EML3: variants seen among roughly 807,000 people sequenced by gnomAD.
EML3 encodes the protein EMAP like 3.
Under a neutral mutation model 106.7 loss-of-function variants are expected in EML3, and 53 were observed. The observed-to-expected ratio is 0.50, with a 90% confidence interval of 0.40 to 0.62. The LOEUF is 0.62. Ranked by LOEUF, EML3 falls within the 20% of genes least tolerant of loss-of-function variation. The pLI, the probability that EML3 is intolerant of heterozygous loss-of-function variation, is 0.00. For missense variants in EML3, 994 were observed against 1,209.1 expected (o/e 0.82, Z 2.64); for synonymous variants, 499 against 489.6 (o/e 1.02, Z -0.25).
chr11:62,606,941 C>T lies in EML3; in HGVS notation c.1504+17G>A, dbSNP rs188175191. Reference sequence around the variant, plus strand: ...CTGGAGTACTACACTTCCCAGATGCCCCTCCCAGCCACATACCTTTGGCGC... The same window carrying T: ...CTGGAGTACTACACTTCCCAGATGCTCCTCCCAGCCACATACCTTTGGCGC... On this transcript the variant is annotated intron_variant, in intron 12 of 21. Transcript: ENST00000394773. The T allele has an allele frequency of 1.5e-3, 2,408 of 1,610,878 alleles. 4 individuals carry two copies. Among genetic ancestry groups the T allele is most frequent in the Non-Finnish European group, 1.8e-3 (2,066 of 1,178,452 alleles).
At chr11:62,602,997 C>G (rs1200189253) in intron 20 of EML3, 108 bp from the exon 21 acceptor site, 1 of 1,479,204 alleles carries the variant, frequency 6.8e-7, no homozygotes, top group African/African-American at 1.4e-5. Context: ...CTGCCGCGTT[C>G]CAGGCAAGCC....
In EML3 at chr11:62,603,730, G is replaced by A. The variant is rs201930288; in HGVS notation, c.2256C>T (p.Tyr752=). 62 of 1,613,700 alleles carry A rather than the reference G, an allele frequency of 3.8e-5. No homozygotes were observed. The Admixed American group carries it at 8.5e-4, about 22-fold the overall frequency. ...MSNSGDYEIL[Y]WDVAGGCKQL... ...ATGTCCTGCTCCACTGCCACTCACAGTAAAGAATCTCATAGTCCCCAGAAT... is the reference window on the plus strand; with the variant it reads ...ATGTCCTGCTCCACTGCCACTCACAATAAAGAATCTCATAGTCCCCAGAAT... Residue 752 remains tyrosine, a splice_region_variant and synonymous_variant, in exon 19 of 22, where the codon TAC becomes TAT. Transcript: ENST00000394773.
rs1942892271 is a variant in EML3 at position 62,612,617 on chromosome 11, G to C, written c.-160C>G. ...CTGTCGGGCGCGGGGAAGGGGCCTG[G>C]AGGGGGCGCTGTGGGCCCGGGGCCG... On this transcript the variant is annotated 5_prime_UTR_variant, in exon 1 of 22. Coordinates refer to ENST00000394773, the MANE Select transcript of EML3 (RefSeq NM_153265.3). 1 of 635,454 alleles carries C rather than the reference G, an allele frequency of 1.6e-6. No individual in the cohort carries two copies. Among genetic ancestry groups the C allele is most frequent in the Admixed American group, 4.5e-5 (1 of 22,324 alleles). 39.4% of individuals were successfully genotyped at this position (635,454 alleles called of 1,614,324 possible).
At chr11:62,606,883 T>A in intron 12 of EML3, 75 bp downstream of exon 12, 2 of 1,305,122 alleles carry the variant, frequency 1.5e-6, no homozygotes, top group Non-Finnish European at 2.1e-6. Context: ...AAGATGGGAA[T>A]GGGAAACCCT....
At chr11:62,608,857 G>A (rs1477806095) in intron 7 of EML3, 52 bp from the exon 8 acceptor site, 1 of 1,572,000 alleles carries the variant, frequency 6.4e-7, no homozygotes, top group Admixed American at 1.8e-5. Context: ...GACCATCCAA[G>A]ACACCTTCTC....
At position 62,607,103 on chromosome 11, in the gene EML3, G is replaced by A. The variant is rs1318151578; in HGVS notation, c.1363-4C>T. On this transcript the variant is annotated splice_region_variant and splice_polypyrimidine_tract_variant and intron_variant, in intron 11 of 21. Coordinates refer to ENST00000394773, the MANE Select transcript of EML3 (RefSeq NM_153265.3). ...TAAACTTGGGTTTCTTGTATTTCTA[G>A]TGGGAGGGGAGAGCAGACAGTAGAG... is the stretch of plus-strand genomic sequence containing the variant. The A allele has an allele frequency of 3.1e-6, 5 of 1,613,690 alleles. No individual in the cohort carries two copies. The highest frequency in any genetic ancestry group is 4.2e-6 in the Non-Finnish European group (5 of 1,179,828).
At chr11:62,607,204 T>C (rs1942569893) in intron 11 of EML3, 105 bp from the exon 12 acceptor site, 3 of 1,445,488 alleles carry the variant, frequency 2.1e-6, no homozygotes, top group African/African-American at 1.4e-5. Flanking sequence ...TCCCAGCACT[T>C]TGGGAGGCCA....
In EML3 at chr11:62,602,603, C is replaced by G. The variant is rs1431302550; in HGVS notation, c.2563G>C (p.Val855Leu). The G allele has an allele frequency of 1.9e-6, 3 of 1,562,660 alleles. No homozygotes were observed. The highest frequency in any genetic ancestry group is 2.6e-6 in the Non-Finnish European group (3 of 1,157,002). ...VRFTHDDSHL[V>L]SLGGKDASIF... ...CTGGCGTCCTTGCCGCCCAGCGAGA[C>G]GAGGTGCGAGTCGTCGTGCGTGAAT... The change falls in exon 22 of 22, where the codon GTC becomes CTC. Residue 855 changes from valine to leucine, a missense_variant. Physicochemically the swap from Val to Leu is conservative, Grantham distance 32 (BLOSUM62 1). Transcript: ENST00000394773.
chr11:62,603,065 A>G, intron 20 of EML3, 84 bp downstream of exon 20: 1 of 1,574,408 alleles, frequency 6.4e-7, no homozygotes, highest in Non-Finnish European at 8.7e-7. Context: ...CTCTCACCCA[A>G]CGACACACGC....
rs372926767 is a variant in EML3, at chr11:62,611,106, G to T, written c.433C>A (p.Pro145Thr). The T allele has an allele frequency of 1.9e-6, 3 of 1,596,912 alleles. No individual in the cohort carries two copies. The highest frequency in any genetic ancestry group is 2.5e-6 in the Non-Finnish European group (3 of 1,177,262). Residue 145 changes from proline to threonine, a missense_variant, in exon 3 of 22, where the codon CCC becomes ACC. Transcript: ENST00000394773. ...GPPGILRPLQPPQRADTPRRN... is the reference protein window; with the variant it reads ...GPPGILRPLQTPQRADTPRRN... ...ACCTACGTGTCAGCACGCTGTGGGG[G>T]CTGCAAGGGCCTGAGGATCCCCGGG...
chr11:62,610,125 T>A (rs1335877964), intron 4 of EML3, among the ~76,000 whole-genome samples: 1 of 152,220 alleles, frequency 6.6e-6, no homozygotes, highest in East Asian at 1.9e-4. Flanking sequence ...GCCCCGCTAT[T>A]GACCTTTTCA....
At chr11:62,603,362 G>A (rs1466543952) in intron 19 of EML3, 115 bp from the exon 20 acceptor site, 3 of 949,388 alleles carry the variant, frequency 3.2e-6, no homozygotes, top group African/African-American at 1.6e-5. Context: ...ATGTGATCTG[G>A]TCACCGTAGT....
chr11:62,608,500 C>G (rs775096840), intron 9 of EML3, 42 bp downstream of exon 9: 38 of 1,583,470 alleles, frequency 2.4e-5, no homozygotes, highest in Non-Finnish European at 3.0e-5. Context: ...AGTGGGGTTC[C>G]TAGGCAAGAA....
intron 11 of EML3, 136 bp downstream of exon 11, chr11:62,607,530 T>G (rs1280275793): frequency 9.6e-7 from 1 of 1,036,776 alleles, no homozygotes; most frequent in Non-Finnish European, 1.4e-6. Context: ...AGAGCAAGAC[T>G]CCGTCTCAAA....
chr11:62,608,189 T>C lies in EML3; in HGVS notation c.1206+12A>G. On this transcript the variant is annotated intron_variant, in intron 10 of 21. Transcript: ENST00000394773. ...AACCTCAGAGCCCCTCCAAGCCACA[T>C]GGACTCCTCACCTTGATCTCAGCCA... 2 of 1,608,470 alleles carry C rather than the reference T, an allele frequency of 1.2e-6. No homozygotes were observed. Among genetic ancestry groups the C allele is most frequent in the African/African-American group, 1.3e-5 (1 of 74,902 alleles).
chr11:62,602,538 C>G lies in EML3; in HGVS notation c.2628G>C (p.Gly876=). The change falls in exon 22 of 22, where the codon GGG becomes GGC. Residue 876 remains glycine, a synonymous_variant. Transcript: ENST00000394773. ...QWRVLGAGGA[G]PAPATPSRTP... is the part of the protein sequence containing the mutation. Reference sequence around the variant, plus strand: ...TTCGAGAGGGCGTGGCGGGCGCCGGCCCCGCGCCCCCAGCGCCCAGCACTC... The same window carrying G: ...TTCGAGAGGGCGTGGCGGGCGCCGGGCCCGCGCCCCCAGCGCCCAGCACTC... The G allele has an allele frequency of 6.7e-7, 1 of 1,488,274 alleles. No homozygotes were observed. Among genetic ancestry groups the G allele is most frequent in the Non-Finnish European group, 8.9e-7 (1 of 1,120,292 alleles). 92.2% of individuals were successfully genotyped at this position (1,488,274 alleles called of 1,614,324 possible).
chr11:62,612,515 C>A lies in EML3; in HGVS notation c.-58G>T. ...GGAGGAGGCGTCTAAGCCGCGGGGG[C>A]CACGGCCGGGGAGAGGGGAAGGGGA... is the stretch of plus-strand genomic sequence containing the variant. On this transcript the variant is annotated 5_prime_UTR_variant, in exon 1 of 22. Transcript: ENST00000394773. The A allele has an allele frequency of 2.2e-6, 3 of 1,349,842 alleles. No individual in the cohort carries two copies. The highest frequency in any genetic ancestry group is 9.4e-7 in the Non-Finnish European group (1 of 1,058,512). The allele number at this position is 1,349,842 out of a possible 1,614,324, so 83.6% of individuals were successfully genotyped here.
In EML3 at chr11:62,604,120, G is replaced by A. The variant is rs543927595; in HGVS notation, c.2064C>T (p.Tyr688=). The A allele has an allele frequency of 6.2e-7, 1 of 1,614,062 alleles. No homozygotes were observed. The highest frequency in any genetic ancestry group is 1.7e-5 in the Admixed American group (1 of 60,016). Residue 688 remains tyrosine, a synonymous_variant, in exon 17 of 22, where the codon TAC becomes TAT. Transcript: ENST00000394773. The part of the protein sequence containing the change: ...DGNEQLSVVR[Y]SPDGLYLAIG... ...GGTTGGGGTGGCTCCCACCTGGGCT[G>A]TACCGGACCACTGAGAGCTGCTCAT...
At chr11:62,609,265 T>C (rs1368355402) in intron 6 of EML3, 89 bp downstream of exon 6, 1 of 1,543,856 alleles carries the variant, frequency 6.5e-7, no homozygotes, top group Non-Finnish European at 8.7e-7. Context: ...AGGCTCCTTG[T>C]CCCCACAGAC....
Sources: allele counts gnomAD v4.1 joint callset (sites outside exome capture counted in the v4.1 genomes callset), GRCh38; gene constraint gnomAD v4.1.1; transcripts MANE v1.5; gene names NCBI Gene and HGNC (gene_info 2026-07-23, HGNC 2026-07-21).